MYO1F: variants seen among roughly 807,000 people sequenced by gnomAD.
MYO1F encodes the protein myosin IF.
A neutral mutation model predicts 146.6 loss-of-function variants in MYO1F; 60 were observed. That is an observed-to-expected ratio of 0.41 (90% CI 0.33 to 0.51). MYO1F has a LOEUF of 0.51. Among genes scored for constraint, MYO1F ranks in the 20% least tolerant of loss-of-function variants. The pLI, the probability that MYO1F is intolerant of heterozygous loss-of-function variation, is 0.25. For synonymous variants in MYO1F, 602 were observed against 602.1 expected, an observed-to-expected ratio of 1.00 and a Z score of 0.00; for missense variants, 1,274 against 1,534.3, an observed-to-expected ratio of 0.83 and a Z score of 2.83.
rs149476327 is a variant in MYO1F, at chr19:8,523,809, C to T, written c.2855-980G>A. 1.5e-3 allele frequency among the ~76,000 whole-genome samples: 233 copies of T among 152,202 alleles called. 1 individual carries two copies. The highest frequency in any genetic ancestry group is 5.5e-3 in the African/African-American group (227 of 41,560). On this transcript the variant is annotated intron_variant, in intron 25 of 27. Transcript: ENST00000644032. Reference sequence around the variant, plus strand: ...AGCTGGGACTATAGGCACACACCACCATGCCCAGCTAATTTAAAAAGAATT... The same window carrying T: ...AGCTGGGACTATAGGCACACACCACTATGCCCAGCTAATTTAAAAAGAATT...
At chr19:8,574,705 C>CTT (rs1555733325) in intron 1 of MYO1F, among the ~76,000 whole-genome samples, 3 of 145,232 alleles carry the variant, frequency 2.1e-5, no homozygotes, top group East Asian at 2.0e-4. Flanking sequence ...TTCTCTCTTT[C>CTT]TTTCTTTTTC....
intron 4 of MYO1F, among the ~76,000 whole-genome samples, chr19:8,554,105 G>A (rs1020171537): frequency 6.6e-6 from 1 of 151,688 alleles, no homozygotes; most frequent in Admixed American, 6.6e-5. Context: ...GACTACAGGC[G>A]TGCACCACCG....
At chr19:8,572,120 G>A (rs148430354) in intron 1 of MYO1F, among the ~76,000 whole-genome samples, 11 of 152,288 alleles carry the variant, frequency 7.2e-5, no homozygotes, top group African/African-American at 2.4e-4. Context: ...ACATCTCCAC[G>A]CAGAAGCTGG....
Position 8,521,224 on chromosome 19 carries a change from T to TCAAG in MYO1F, c.*300_*303dup, listed in dbSNP as rs1972052458. 2.2e-6 allele frequency: 1 copy of TCAAG among 453,052 alleles called. No homozygotes were observed. Among genetic ancestry groups the TCAAG allele is most frequent in the Non-Finnish European group, 4.1e-6 (1 of 242,812 alleles). The allele number at this position is 453,052 out of a possible 1,614,324, so 28.1% of individuals were successfully genotyped here. Reference sequence around the variant, plus strand: ...TGGCACTTTGCCAACAGCACAGGACTCAAGACCCATTTCTTAATCACATGG... The same window carrying TCAAG: ...TGGCACTTTGCCAACAGCACAGGACTCAAGCAAGACCCATTTCTTAATCACATGG... On this transcript the variant is annotated 3_prime_UTR_variant, in exon 28 of 28. Transcript: ENST00000644032.
At chr19:8,540,639 G>T (rs1011245029) in intron 15 of MYO1F, among the ~76,000 whole-genome samples, 7 of 151,770 alleles carry the variant, frequency 4.6e-5, no homozygotes, top group Non-Finnish European at 7.4e-5. Flanking sequence ...GAACCCAGGA[G>T]GTGGAGGTTG....
chr19:8,561,177 C>G (rs184104278), intron 1 of MYO1F, among the ~76,000 whole-genome samples: 5 of 152,180 alleles, frequency 3.3e-5, no homozygotes, highest in Non-Finnish European at 7.4e-5. Flanking sequence ...AGCCACTGTG[C>G]CTGGCCTGAG....
chr19:8,554,620 G>T (rs1248432296), intron 3 of MYO1F, 34 bp downstream of exon 3: 5 of 1,611,662 alleles, frequency 3.1e-6, no homozygotes, highest in Non-Finnish European at 4.2e-6. Flanking sequence ...CCAGGAGTCT[G>T]GGGGCTGTGC....
intron 1 of MYO1F, among the ~76,000 whole-genome samples, chr19:8,566,400 C>A (rs561584687): frequency 9.2e-5 from 14 of 151,834 alleles, no homozygotes. Flanking sequence ...AGCTCCTGAT[C>A]TCATGATCCA....
In MYO1F at chr19:8,520,951, G is replaced by T; in HGVS notation, c.*577C>A. The T allele has an allele frequency of 6.0e-6, 1 of 166,588 alleles. No homozygotes were observed. The highest frequency in any genetic ancestry group is 1.3e-5 in the Non-Finnish European group (1 of 76,064). The allele number at this position is 166,588 out of a possible 1,614,324, so 10.3% of individuals were successfully genotyped here. A position where few individuals can be genotyped will look rare whatever the true frequency, so the allele number is the denominator to read the frequency against. On this transcript the variant is annotated 3_prime_UTR_variant, in exon 28 of 28. Transcript: ENST00000644032. ...AAACTGGGACAAATTCAAGCTTTATGGTCACATATGAATGCAAGGCATGGC... is the reference window on the plus strand; with the variant it reads ...AAACTGGGACAAATTCAAGCTTTATTGTCACATATGAATGCAAGGCATGGC...
intron 21 of MYO1F, chr19:8,529,674 T>C (rs1972401556): frequency 4.0e-6 from 1 of 250,304 alleles, no homozygotes; most frequent in Admixed American, 5.3e-5. Context: ...TGGTTGGGGC[T>C]TCTAGACAAG....
rs746682055 is a variant in MYO1F at position 8,527,488 on chromosome 19, G to A, written c.2329-5C>T. The A allele has an allele frequency of 2.9e-5, 47 of 1,613,718 alleles. No homozygotes were observed. Among genetic ancestry groups the A allele is most frequent in the Non-Finnish European group, 3.9e-5 (46 of 1,179,906 alleles). Reference sequence around the variant, plus strand: ...GATCAAGTCCCGCTTGATGGGCTGTGGGGATGCAGGATTAGAGGCTGATGC... The same window carrying A: ...GATCAAGTCCCGCTTGATGGGCTGTAGGGATGCAGGATTAGAGGCTGATGC... On this transcript the variant is annotated splice_polypyrimidine_tract_variant and splice_region_variant and intron_variant, in intron 21 of 27. Transcript: ENST00000644032.
intron 21 of MYO1F, among the ~76,000 whole-genome samples, chr19:8,528,846 A>T (rs1268123898): frequency 6.6e-6 from 1 of 152,090 alleles, no homozygotes; most frequent in African/African-American, 2.4e-5. Context: ...GCGGGTGTGT[A>T]TCTGAACTCT....
rs368465180 is a variant in MYO1F at position 8,550,314 on chromosome 19, C to T, written c.947G>A (p.Arg316Gln). 11 of 1,613,636 alleles carry T rather than the reference C, an allele frequency of 6.8e-6. No homozygotes were observed. The highest frequency in any genetic ancestry group is 3.3e-5 in the Admixed American group (2 of 59,922). ...PAYLLGIDSG[R>Q]LQEKLTSRKM... The stretch of plus-strand genomic sequence containing the variant: ...GCGGCTGGTCAGCTTCTCCTGCAGT[C>T]GCCCGCTGTCAATGCCCAGCAGGTA... The change falls in exon 10 of 28, where the codon CGA becomes CAA. Residue 316 changes from arginine to glutamine, a missense_variant. By Grantham distance (43) the Arg-to-Gln change is conservative. Transcript: ENST00000644032.
In MYO1F at chr19:8,544,292, C is replaced by T. The variant is rs781677149; in HGVS notation, c.1524+5G>A. ...CACAGGGTAGGGTAGGGGCAGGGGG[C>T]GCACCTTGCCAGCGTAGTGGTGGAT... On this transcript the variant is annotated splice_donor_5th_base_variant and intron_variant, in intron 14 of 27. Coordinates refer to ENST00000644032, the MANE Select transcript of MYO1F (RefSeq NM_012335.4). 26 of 1,612,526 alleles carry T rather than the reference C, an allele frequency of 1.6e-5. No individual in the cohort carries two copies. Among genetic ancestry groups the T allele is most frequent in the Middle Eastern group, 1.7e-4 (1 of 5,948 alleles).
intron 1 of MYO1F, among the ~76,000 whole-genome samples, chr19:8,561,400 TC>T (rs1568368726): frequency 0.039 from 2,351 of 60,756 alleles, 35 homozygotes; most frequent in South Asian, 0.13. Context: ...TTTCCTTCCT[TC>T]CTTTCTCCTC....
intron 1 of MYO1F, among the ~76,000 whole-genome samples, chr19:8,568,870 A>C (rs953938143): frequency 6.6e-6 from 1 of 152,070 alleles, no homozygotes; most frequent in Non-Finnish European, 1.5e-5. Flanking sequence ...GCAGTGAGCC[A>C]AGATTACGTC....
intron 23 of MYO1F, 74 bp from the exon 24 acceptor site, chr19:8,526,675 A>AGGGGC: frequency 1.3e-5 from 20 of 1,547,682 alleles, no homozygotes; most frequent in Non-Finnish European, 1.7e-5. Flanking sequence ...TGGTTGGGGC[A>AGGGGC]GGGGCGGGGC....
chr19:8,574,551 CTTTCTTTCTTTCTTTCTTTCTT>C (rs2145995541), intron 1 of MYO1F, among the ~76,000 whole-genome samples: 1 of 86,048 alleles, frequency 1.2e-5, no homozygotes, highest in South Asian at 3.8e-4. Context: ...TTCTTTCTTT[CTTTCTTTCTTTCTTTCTTTCTT>C]TCTTTCTCTC....
chr19:8,563,294 C>CTTT (rs938198498), intron 1 of MYO1F, among the ~76,000 whole-genome samples: 4 of 118,628 alleles, frequency 3.4e-5, no homozygotes, highest in African/African-American at 6.4e-5. Flanking sequence ...TGCTTGGCCA[C>CTTT]TTTTTTTTTT....
Sources: allele counts gnomAD v4.1 joint callset (sites outside exome capture counted in the v4.1 genomes callset), GRCh38; gene constraint gnomAD v4.1.1; transcripts MANE v1.5; gene names NCBI Gene and HGNC (gene_info 2026-07-23, HGNC 2026-07-21).